FAM107B: variants seen among roughly 807,000 people sequenced by gnomAD.
The protein encoded by FAM107B is family with sequence similarity 107 member B, also known as protein FAM107B.
A neutral mutation model predicts 31.5 loss-of-function variants in FAM107B; 21 were observed. The observed-to-expected ratio is 0.67, with a 90% confidence interval of 0.47 to 0.96. The LOEUF (loss-of-function observed/expected upper bound fraction) is 0.96, where lower values mean the gene tolerates loss of function less well. Among genes scored for constraint, FAM107B ranks in the 40% least tolerant of loss-of-function variants. FAM107B has a pLI of 0.00. For missense variants in FAM107B, 452 were observed against 377.1 expected, an observed-to-expected ratio of 1.20 and a Z score of -1.64; for synonymous variants, 157 against 141.5, an observed-to-expected ratio of 1.11 and a Z score of -0.78.
At chr10:14,588,972 A>G (rs1387220279) in intron 2 of FAM107B, among the ~76,000 whole-genome samples, 1 of 152,148 alleles carries the variant, frequency 6.6e-6, no homozygotes, top group Admixed American at 6.5e-5. Flanking sequence ...ACTTGAGGTC[A>G]GGAGTTCGAG....
chr10:14,541,574 G>A (rs967452820), intron 2 of FAM107B, among the ~76,000 whole-genome samples: 6 of 152,074 alleles, frequency 3.9e-5, no homozygotes, highest in Non-Finnish European at 8.8e-5. Context: ...CCTCTCCTCC[G>A]GAGACATGTC....
At chr10:14,554,309 C>T (rs1209795924) in intron 2 of FAM107B, 3 of 218,506 alleles carry the variant, frequency 1.4e-5, no homozygotes, top group Non-Finnish European at 2.3e-5. Flanking sequence ...AGTAGGTTTA[C>T]TAAAGGAAGG....
intron 1 of FAM107B, among the ~76,000 whole-genome samples, chr10:14,747,790 G>A (rs1295722385): frequency 6.6e-6 from 1 of 152,202 alleles, no homozygotes; most frequent in East Asian, 1.9e-4. Flanking sequence ...ACAGGATCTG[G>A]GACCCAATTA....
rs1854398020 is a variant in FAM107B, at chr10:14,666,123, C to T, written c.469+1511G>A. 2.6e-5 allele frequency among the ~76,000 whole-genome samples: 4 copies of T among 152,100 alleles called. No individual in the cohort carries two copies. The South Asian group carries it at 6.2e-4, about 24-fold the overall frequency. On this transcript the variant is annotated intron_variant, in intron 2 of 4. Transcript: ENST00000181796. Reference sequence around the variant, plus strand: ...ACAAGACTGGTAATGTCCCTGCTCTCTAAGAGACAATATTGTAATAAACCA... The same window carrying T: ...ACAAGACTGGTAATGTCCCTGCTCTTTAAGAGACAATATTGTAATAAACCA...
At chr10:14,669,402 T>C (rs1393779802) in intron 1 of FAM107B, among the ~76,000 whole-genome samples, 1 of 149,854 alleles carries the variant, frequency 6.7e-6, no homozygotes, top group Non-Finnish European at 1.5e-5. Context: ...AGAAATGTCC[T>C]TTTCGAAGGA....
intron 2 of FAM107B, among the ~76,000 whole-genome samples, chr10:14,595,433 T>TC (rs1442393729): frequency 1.4e-5 from 2 of 145,490 alleles, no homozygotes; most frequent in African/African-American, 5.1e-5. Context: ...TTTTTTTTTT[T>TC]TTTTTTTTTT....
At chr10:14,521,784 G>A (rs1439856822) in intron 4 of FAM107B, 85 bp downstream of exon 4, 15 of 1,533,442 alleles carry the variant, frequency 9.8e-6, no homozygotes, top group South Asian at 2.5e-5. Context: ...ACACTGGCAC[G>A]TCTGGTAAAT....
chr10:14,645,139 C>T (rs1367758071), intron 2 of FAM107B, among the ~76,000 whole-genome samples: 1 of 152,130 alleles, frequency 6.6e-6, no homozygotes, highest in Non-Finnish European at 1.5e-5. Context: ...GCCTGAGGAA[C>T]CACTTAGTTA....
intron 2 of FAM107B, among the ~76,000 whole-genome samples, chr10:14,542,008 T>G (rs1848251918): frequency 6.6e-6 from 1 of 151,998 alleles, no homozygotes; most frequent in Non-Finnish European, 1.5e-5. Flanking sequence ...GTAAATCCCA[T>G]CACTTTTGAG....
chr10:14,587,584 A>G (rs752899219), intron 2 of FAM107B, among the ~76,000 whole-genome samples: 65 of 152,266 alleles, frequency 4.3e-4, no homozygotes, highest in Non-Finnish European at 8.1e-4. Context: ...ATCCAAAAAA[A>G]GACAGTTTCT....
rs144915622 is a variant in FAM107B, at chr10:14,548,658, G to GC, written c.470-18144dup. 5.8e-4 allele frequency: 573 copies of GC among 985,344 alleles called. 5 individuals carry two copies. In the African/African-American group the frequency reaches 9.6e-3, roughly 17 times the overall value. The allele number at this position is 985,344 out of a possible 1,614,324, so 61.0% of individuals were successfully genotyped here. A position where few individuals can be genotyped will look rare whatever the true frequency, so the allele number is the denominator to read the frequency against. On this transcript the variant is annotated intron_variant, in intron 2 of 4. Coordinates refer to ENST00000181796, the MANE Select transcript of FAM107B (RefSeq NM_031453.4). ...GCTGCGAAGGCAGGCACTCCCAGAAGCCCCCGGGGGCCTTCCTCCATCGCC... is the reference window on the plus strand; with the variant it reads ...GCTGCGAAGGCAGGCACTCCCAGAAGCCCCCCGGGGGCCTTCCTCCATCGCC...
At chr10:14,678,683 G>A (rs1228053295) in intron 1 of FAM107B, among the ~76,000 whole-genome samples, 1 of 152,148 alleles carries the variant, frequency 6.6e-6, no homozygotes, top group Non-Finnish European at 1.5e-5. Flanking sequence ...GGTGGAACAT[G>A]CACGATAAAT....
intron 2 of FAM107B, among the ~76,000 whole-genome samples, chr10:14,589,125 G>A (rs1201783402): frequency 3.4e-5 from 5 of 148,030 alleles, no homozygotes; most frequent in Admixed American, 6.8e-5. Flanking sequence ...GCAGTGAGCC[G>A]AGATAACATC....
chr10:14,723,910 A>G (rs1461943125), intron 1 of FAM107B: 5 of 752,080 alleles, frequency 6.6e-6, no homozygotes, highest in South Asian at 1.3e-5. Flanking sequence ...CTTCAGATTT[A>G]TGATGTAGAT....
Position 14,572,761 on chromosome 10 carries a change from T to A in FAM107B, c.470-42246A>T, listed in dbSNP as rs193198279. Reference sequence around the variant, plus strand: ...AATTTATATATATATATATATATATTAGAGTGTGTGTGTATATATGTTATG... The same window carrying A: ...AATTTATATATATATATATATATATAAGAGTGTGTGTGTATATATGTTATG... On this transcript the variant is annotated intron_variant, in intron 2 of 4. Coordinates refer to ENST00000181796, the MANE Select transcript of FAM107B (RefSeq NM_031453.4). Among the ~76,000 whole-genome samples, 327 of 75,976 alleles carry A rather than the reference T, an allele frequency of 4.3e-3. 7 individuals carry two copies. The East Asian group carries it at 0.07, about 16-fold the overall frequency. The allele number at this position is 75,976 out of a possible 152,430, so 49.8% of individuals were successfully genotyped here.
In FAM107B at chr10:14,626,722, C is replaced by T. The variant is rs1417007579; in HGVS notation, c.469+40912G>A. Among the ~76,000 whole-genome samples the T allele has an allele frequency of 2.0e-5, 3 of 152,088 alleles. No individual in the cohort carries two copies. The East Asian group carries it at 5.8e-4, about 29-fold the overall frequency. ...GTTTCACCGTGTTAGCCAGGATGGT[C>T]TCGATCTCCTGACCTCGTGATCTGC... is the stretch of plus-strand genomic sequence containing the variant. On this transcript the variant is annotated intron_variant, in intron 2 of 4. Transcript: ENST00000181796.
In FAM107B at chr10:14,683,735, TC is replaced by T. The variant is rs11327281; in HGVS notation, c.412-16045del. 4.2e-3 allele frequency among the ~76,000 whole-genome samples: 640 copies of T among 152,354 alleles called. 4 individuals are homozygous for T. The highest frequency in any genetic ancestry group is 0.015 in the African/African-American group (618 of 41,586). On this transcript the variant is annotated intron_variant, in intron 1 of 4. Coordinates refer to ENST00000181796, the MANE Select transcript of FAM107B (RefSeq NM_031453.4). ...AGCTACTTAGAGCATCTAATTTTCCTCTACAAGTCCTCTGTAAACACTTGTC... is the reference window on the plus strand; with the variant it reads ...AGCTACTTAGAGCATCTAATTTTCCTTACAAGTCCTCTGTAAACACTTGTC...
intron 2 of FAM107B, among the ~76,000 whole-genome samples, chr10:14,574,086 T>C (rs1851389414): frequency 6.6e-6 from 1 of 152,054 alleles, no homozygotes; most frequent in South Asian, 2.1e-4. Context: ...AAATGCAAAA[T>C]CTCAGTTCAG....
chr10:14,700,554 A>T (rs1478863243), intron 1 of FAM107B, among the ~76,000 whole-genome samples: 1 of 151,748 alleles, frequency 6.6e-6, no homozygotes, highest in Non-Finnish European at 1.5e-5. Context: ...TGCAGAAATG[A>T]CCATGAGAAT....
Sources: gnomAD v4.1 joint callset for allele counts (sites outside exome capture counted in the v4.1 genomes callset) on GRCh38, gnomAD v4.1.1 for gene constraint, MANE v1.5 for transcripts, NCBI Gene and HGNC (gene_info 2026-07-23, HGNC 2026-07-21) for gene names.